ARPC1A: variants seen among roughly 807,000 people sequenced by gnomAD.
ARPC1A encodes actin-related protein 2/3 complex subunit 1A.
Under a neutral mutation model 46.9 loss-of-function variants are expected in ARPC1A, and 8 were observed. The ratio of observed to expected loss-of-function variants is 0.17; its 90% confidence interval spans 0.10 to 0.31. The LOEUF (loss-of-function observed/expected upper bound fraction) is 0.31. ARPC1A is among the 10% of genes least tolerant of loss of function. The pLI, the probability that ARPC1A is intolerant of heterozygous loss-of-function variation, is 1.00. For missense variants in ARPC1A, 286 were observed against 483.6 expected (o/e 0.59, Z 3.83); for synonymous variants, 152 against 169.0 (o/e 0.90, Z 0.78).
intron 8 of ARPC1A, among the ~76,000 whole-genome samples, chr7:99,361,094 G>A (rs990595705): frequency 2.0e-5 from 3 of 152,150 alleles, no homozygotes; most frequent in East Asian, 1.9e-4. Context: ...GAGAAGTAAT[G>A]GAAACCTCTA....
intron 1 of ARPC1A, among the ~76,000 whole-genome samples, chr7:99,329,770 T>G (rs187227010): frequency 1.8e-4 from 28 of 152,358 alleles, no homozygotes; most frequent in African/African-American, 6.5e-4. Context: ...GAGTTGAACA[T>G]GAGAAAGCCT....
chr7:99,359,800 C>A, intron 8 of ARPC1A, 62 bp downstream of exon 8: 1 of 1,569,932 alleles, frequency 6.4e-7, no homozygotes, highest in East Asian at 2.3e-5. Flanking sequence ...CTCGCTGTTT[C>A]CTTACTGGGT....
At chr7:99,364,230 C>T (rs1301947714) in intron 9 of ARPC1A, among the ~76,000 whole-genome samples, 1 of 151,072 alleles carries the variant, frequency 6.6e-6, no homozygotes, top group East Asian at 1.9e-4. Flanking sequence ...GGTGGGATTA[C>T]AGGCGTGAGC....
At chr7:99,354,174 A>C in intron 6 of ARPC1A, 53 bp downstream of exon 6, 13 of 1,574,430 alleles carry the variant, frequency 8.3e-6, no homozygotes, top group Non-Finnish European at 1.0e-5. Flanking sequence ...GGGATCTCTC[A>C]CCAGCTGAAC....
intron 1 of ARPC1A, among the ~76,000 whole-genome samples, chr7:99,332,259 T>G (rs1793155385): frequency 6.6e-6 from 1 of 152,194 alleles, no homozygotes; most frequent in East Asian, 1.9e-4. Flanking sequence ...ATAATTATTA[T>G]TTATTTTTGC....
At chr7:99,345,737 T>C (rs1793433919) in intron 4 of ARPC1A, among the ~76,000 whole-genome samples, 1 of 152,216 alleles carries the variant, frequency 6.6e-6, no homozygotes, top group Non-Finnish European at 1.5e-5. Flanking sequence ...AGTTGTCATT[T>C]ACTACTAAAC....
chr7:99,344,189 C>T (rs908030666), intron 3 of ARPC1A, 104 bp from the exon 4 acceptor site: 4 of 1,051,520 alleles, frequency 3.8e-6, no homozygotes, highest in Non-Finnish European at 5.7e-6. Context: ...GAGGAAGGTC[C>T]CAAGACCACG....
At chr7:99,356,513 G>A (rs943296598) in intron 6 of ARPC1A, among the ~76,000 whole-genome samples, 9 of 151,626 alleles carry the variant, frequency 5.9e-5, no homozygotes, top group Admixed American at 6.6e-5. Context: ...GCTGAGGCAG[G>A]AGAATTGCTT....
At chr7:99,351,495 A>G (rs1207991823) in intron 5 of ARPC1A, among the ~76,000 whole-genome samples, 1 of 152,142 alleles carries the variant, frequency 6.6e-6, no homozygotes, top group Non-Finnish European at 1.5e-5. Context: ...CTGGGGTTAC[A>G]GGCATGAGCC....
At chr7:99,363,383 C>T in intron 8 of ARPC1A, 160 bp from the exon 9 acceptor site, 1 of 611,798 alleles carries the variant, frequency 1.6e-6, no homozygotes, top group South Asian at 1.9e-5. Context: ...AGTTCAAGAC[C>T]AGCTTGGGCA....
chr7:99,359,664 C>T lies in ARPC1A; in HGVS notation c.909C>T (p.Phe303=), dbSNP rs150324163. 1.9e-6 allele frequency: 3 copies of T among 1,614,190 alleles called. No homozygotes were observed. The highest frequency in any genetic ancestry group is 2.5e-6 in the Non-Finnish European group (3 of 1,180,052). The change falls in exon 8 of 10, where the codon TTC becomes TTT. Residue 303 remains phenylalanine, a synonymous_variant. Transcript: ENST00000262942. ...IQRNMSAMER[F]RNMDKRATTE... is the part of the protein sequence containing the mutation. The stretch of plus-strand genomic sequence containing the variant: ...GCAACATGTCTGCCATGGAACGCTT[C>T]CGCAACATGGACAAGAGAGCCACAA...
At chr7:99,337,041 A>T (rs2150861408) in intron 2 of ARPC1A, among the ~76,000 whole-genome samples, 1 of 152,318 alleles carries the variant, frequency 6.6e-6, no homozygotes, top group Non-Finnish European at 1.5e-5. Flanking sequence ...CAGGTCTAGT[A>T]TCCCTTATCT....
rs763882333 is a variant in ARPC1A at position 99,363,601 on chromosome 7, A to G, written c.1042A>G (p.Ile348Val). 5.0e-6 allele frequency: 8 copies of G among 1,613,156 alleles called. No individual in the cohort carries two copies. The highest frequency in any genetic ancestry group is 6.8e-6 in the Non-Finnish European group (8 of 1,179,824). ...TTGTCGCAAATTTTGCACTACTGGCATCGATGGAGCCATGACAATTTGGGA... is the reference window on the plus strand; with the variant it reads ...TTGTCGCAAATTTTGCACTACTGGCGTCGATGGAGCCATGACAATTTGGGA... ...QDCRKFCTTG[I>V]DGAMTIWDFK... Residue 348 changes from isoleucine to valine, a missense_variant, in exon 9 of 10, where the codon ATC (isoleucine) becomes GTC (valine). Transcript: ENST00000262942.
At chr7:99,351,711 G>A (rs569739180) in intron 5 of ARPC1A, among the ~76,000 whole-genome samples, 1 of 152,322 alleles carries the variant, frequency 6.6e-6, no homozygotes, top group East Asian at 1.9e-4. Context: ...CAGAGCCTCT[G>A]TACTGCCATT....
chr7:99,343,618 C>T (rs549894383), intron 3 of ARPC1A, among the ~76,000 whole-genome samples: 2 of 152,108 alleles, frequency 1.3e-5, no homozygotes, highest in Non-Finnish European at 2.9e-5. Flanking sequence ...CACAGAGGTA[C>T]CAGATAAGTA....
At chr7:99,363,454 C>T in intron 8 of ARPC1A, 89 bp from the exon 9 acceptor site, 2 of 931,712 alleles carry the variant, frequency 2.1e-6, no homozygotes, top group African/African-American at 1.7e-5. Flanking sequence ...AATTCATTTC[C>T]TTAAGCTGCC....
At chr7:99,338,088 C>A in intron 2 of ARPC1A, 93 bp from the exon 3 acceptor site, 2 of 892,466 alleles carry the variant, frequency 2.2e-6, no homozygotes, top group Non-Finnish European at 3.4e-6. Context: ...CTTTTCCTTA[C>A]TATAGTCTGC....
At chr7:99,365,833 A>T in intron 9 of ARPC1A, 58 bp from the exon 10 acceptor site, 1 of 1,512,810 alleles carries the variant, frequency 6.6e-7, no homozygotes. Context: ...GTGGTGTCAT[A>T]CCTACCTCGG....
chr7:99,353,580 C>T (rs547099799), intron 5 of ARPC1A, among the ~76,000 whole-genome samples: 3 of 152,000 alleles, frequency 2.0e-5, no homozygotes, highest in South Asian at 2.1e-4. Flanking sequence ...TGGGTTTACG[C>T]GATTCTCCTG....
Sources: gnomAD v4.1 joint callset for allele counts (sites outside exome capture counted in the v4.1 genomes callset) on GRCh38, gnomAD v4.1.1 for gene constraint, MANE v1.5 for transcripts, NCBI Gene and HGNC (gene_info 2026-07-23, HGNC 2026-07-21) for gene names.